ARHGAP6: variants seen among roughly 807,000 people sequenced by gnomAD.
ARHGAP6 encodes the protein rho GTPase-activating protein 6.
A neutral mutation model predicts 55.7 loss-of-function variants in ARHGAP6; 16 were observed. The observed-to-expected ratio is 0.29, with a 90% confidence interval of 0.19 to 0.44. The LOEUF (loss-of-function observed/expected upper bound fraction) is 0.44. ARHGAP6 is among the 20% of genes least tolerant of loss of function. The probability of loss-of-function intolerance (pLI) is 1.00; values close to 1 mark genes in which losing one functional copy is unlikely to be tolerated. For missense variants in ARHGAP6, 698 were observed against 808.9 expected (o/e 0.86, Z 1.66); for synonymous variants, 382 against 360.9 (o/e 1.06, Z -0.66).
At chrX:11,567,792 C>T (rs1349508408) in intron 1 of ARHGAP6, among the ~76,000 whole-genome samples, 1 of 109,861 alleles carries the variant, frequency 9.1e-6, no homozygotes, top group Admixed American at 9.7e-5. Context: ...TCTCAGCCTC[C>T]TGAGTAGCTG....
At chrX:11,630,577 T>C (rs1333067904) in intron 1 of ARHGAP6, among the ~76,000 whole-genome samples, 2 of 112,004 alleles carry the variant, frequency 1.8e-5, no homozygotes, top group Non-Finnish European at 3.8e-5. Flanking sequence ...GGCTGGCATG[T>C]ACTCAATAAA....
chrX:11,223,451 G>T (rs933116652), intron 2 of ARHGAP6, among the ~76,000 whole-genome samples: 2 of 111,133 alleles, frequency 1.8e-5, no homozygotes, highest in African/African-American at 6.5e-5. Context: ...CAGAATTGAG[G>T]TATATTATCT....
intron 2 of ARHGAP6, among the ~76,000 whole-genome samples, chrX:11,201,989 CTGTGTG>C (rs56023548): frequency 0.018 from 1,211 of 65,516 alleles, 10 homozygotes; most frequent in South Asian, 0.058. Flanking sequence ...GCATCTGGAT[CTGTGTG>C]TGTGTGTGTG....
At chrX:11,363,571 A>C (rs2049038351) in intron 1 of ARHGAP6, among the ~76,000 whole-genome samples, 1 of 111,946 alleles carries the variant, frequency 8.9e-6, no homozygotes, top group Non-Finnish European at 1.9e-5. Context: ...GTAACTGCTC[A>C]CATTTGTATC....
At chrX:11,462,944 T>C (rs1476814287) in intron 1 of ARHGAP6, among the ~76,000 whole-genome samples, 1 of 112,711 alleles carries the variant, frequency 8.9e-6, no homozygotes, top group African/African-American at 3.2e-5. Flanking sequence ...TACTTGAGTG[T>C]ATTCTTGTAT....
Position 11,436,556 on chromosome X carries a change from G to C in ARHGAP6, c.589-181849C>G, listed in dbSNP as rs772627649. On this transcript the variant is annotated intron_variant, in intron 1 of 12. Coordinates refer to ENST00000337414, the MANE Select transcript of ARHGAP6 (RefSeq NM_013427.3). ...TCCTAGGTATATAGCCAAGAGAAAT[G>C]AAAACATATGTCCACAAAAACTTGT... Among the ~76,000 whole-genome samples the C allele has an allele frequency of 2.7e-5, 3 of 112,194 alleles. No individual in the cohort carries two copies. In the South Asian group the frequency reaches 1.1e-3, roughly 42 times the overall value.
intron 1 of ARHGAP6, among the ~76,000 whole-genome samples, chrX:11,455,101 G>C (rs932286762): frequency 8.9e-6 from 1 of 111,757 alleles, no homozygotes; most frequent in African/African-American, 3.3e-5. Flanking sequence ...ACATTGGAGA[G>C]AAAACATATT....
At chrX:11,141,601 AAACCCACT>A (rs973436758) in intron 12 of ARHGAP6, among the ~76,000 whole-genome samples, 3 of 112,377 alleles carry the variant, frequency 2.7e-5, no homozygotes, top group Non-Finnish European at 3.8e-5. Flanking sequence ...GCAAAAGTGA[AAACCCACT>A]AACTTGCAAT....
At chrX:11,497,559 T>TTCTCTCTCTC (rs34138329) in intron 1 of ARHGAP6, among the ~76,000 whole-genome samples, 8,403 of 40,897 alleles carry the variant, frequency 0.21, 1,262 homozygotes, top group East Asian at 0.64. Context: ...CCCTCCCTCC[T>TTCTCTCTCTC]TCTCTCTCTC....
chrX:11,571,728 A>G (rs2051520299), intron 1 of ARHGAP6, among the ~76,000 whole-genome samples: 1 of 105,670 alleles, frequency 9.5e-6, no homozygotes, highest in African/African-American at 3.4e-5. Flanking sequence ...TAATAATAAT[A>G]ATAATAATAA....
At chrX:11,513,233 C>T (rs1000247604) in intron 1 of ARHGAP6, among the ~76,000 whole-genome samples, 2 of 111,067 alleles carry the variant, frequency 1.8e-5, no homozygotes, top group African/African-American at 6.6e-5. Flanking sequence ...TCATCATGTT[C>T]GAAATCTTAA....
At chrX:11,358,823 G>T (rs1159434966) in intron 1 of ARHGAP6, among the ~76,000 whole-genome samples, 1 of 111,511 alleles carries the variant, frequency 9.0e-6, no homozygotes, top group Non-Finnish European at 1.9e-5. Flanking sequence ...GCTATGAGTG[G>T]TCTCAATTCT....
intron 1 of ARHGAP6, among the ~76,000 whole-genome samples, chrX:11,293,821 T>C (rs1000126506): frequency 1.8e-5 from 2 of 112,346 alleles, no homozygotes; most frequent in Non-Finnish European, 3.8e-5. Context: ...ATCCATGAAG[T>C]GTTTTTTCTC....
intron 1 of ARHGAP6, among the ~76,000 whole-genome samples, chrX:11,325,451 G>C (rs2048486686): frequency 1.8e-5 from 2 of 111,625 alleles, no homozygotes; most frequent in African/African-American, 3.3e-5. Flanking sequence ...TCATTTCTTT[G>C]TATAATTTTC....
chrX:11,144,291 A>G, intron 10 of ARHGAP6, 43 bp from the exon 11 acceptor site: 1 of 1,205,434 alleles, frequency 8.3e-7, no homozygotes, highest in Non-Finnish European at 1.1e-6. Context: ...TTTGTTAACA[A>G]GTAGTGACCA....
intron 1 of ARHGAP6, among the ~76,000 whole-genome samples, chrX:11,547,471 C>T (rs1476514084): frequency 1.8e-5 from 2 of 111,382 alleles, no homozygotes; most frequent in Non-Finnish European, 3.8e-5. Context: ...TATTTCCAAA[C>T]GAGGTCTGTT....
intron 8 of ARHGAP6, among the ~76,000 whole-genome samples, chrX:11,174,577 T>TTC (rs1569241231): frequency 1.2e-3 from 66 of 57,166 alleles, no homozygotes; most frequent in East Asian, 2.2e-3. Context: ...TTCCTTCCTT[T>TTC]CTTTCTTTCT....
chrX:11,581,497 G>A (rs755739486), intron 1 of ARHGAP6, among the ~76,000 whole-genome samples: 74 of 111,798 alleles, frequency 6.6e-4, no homozygotes, highest in African/African-American at 1.9e-3. Context: ...CCCTATAGCC[G>A]AAAGGTAGAA....
intron 1 of ARHGAP6, among the ~76,000 whole-genome samples, chrX:11,276,276 T>G (rs2047764729): frequency 8.9e-6 from 1 of 111,977 alleles, no homozygotes; most frequent in Admixed American, 9.5e-5. Context: ...GGAAAGCTAT[T>G]TGATTATCTA....
Sources: gnomAD v4.1 joint callset for allele counts (sites outside exome capture counted in the v4.1 genomes callset) on GRCh38, gnomAD v4.1.1 for gene constraint, MANE v1.5 for transcripts, NCBI Gene and HGNC (gene_info 2026-07-23, HGNC 2026-07-21) for gene names.